WBP1L: variants seen among roughly 807,000 people sequenced by gnomAD.
WBP1L encodes WW domain binding protein 1-like.
Under a neutral mutation model 33.7 loss-of-function variants are expected in WBP1L, and 17 were observed. That is an observed-to-expected ratio of 0.50 (90% CI 0.34 to 0.76). The LOEUF is 0.76. WBP1L is among the 30% of genes least tolerant of loss of function. The pLI is 0.01. For synonymous variants in WBP1L, 173 were observed against 190.8 expected, an observed-to-expected ratio of 0.91 and a Z score of 0.77; for missense variants, 389 against 469.4, an observed-to-expected ratio of 0.83 and a Z score of 1.58.
chr10:102,797,495 C>T (rs1009663304), intron 1 of WBP1L, among the ~76,000 whole-genome samples: 3 of 152,136 alleles, frequency 2.0e-5, no homozygotes, highest in African/African-American at 7.2e-5. Context: ...CATATTTTTT[C>T]CCCTAAACTC....
At chr10:102,802,539 G>A (rs531828055) in intron 2 of WBP1L, among the ~76,000 whole-genome samples, 4 of 152,004 alleles carry the variant, frequency 2.6e-5, no homozygotes, top group Non-Finnish European at 5.9e-5. Flanking sequence ...TTGAGACAGC[G>A]TCTCACTCCC....
chr10:102,748,063 T>C (rs1437633473), intron 1 of WBP1L, among the ~76,000 whole-genome samples: 3 of 151,984 alleles, frequency 2.0e-5, no homozygotes, highest in Admixed American at 2.0e-4. Flanking sequence ...GAGACCATCC[T>C]GGCTAACACA....
At chr10:102,782,415 C>T (rs1428700515) in intron 1 of WBP1L, among the ~76,000 whole-genome samples, 1 of 151,572 alleles carries the variant, frequency 6.6e-6, no homozygotes, top group Non-Finnish European at 1.5e-5. Flanking sequence ...GACCCGCCCC[C>T]TCCCACCCCT....
intron 1 of WBP1L, among the ~76,000 whole-genome samples, chr10:102,794,182 A>G (rs1461443732): frequency 6.6e-6 from 1 of 152,146 alleles, no homozygotes; most frequent in African/African-American, 2.4e-5. Context: ...GTGGAAGATC[A>G]CCAGGCAGCA....
intron 1 of WBP1L, among the ~76,000 whole-genome samples, chr10:102,791,649 A>C (rs1843500126): frequency 1.3e-5 from 2 of 152,190 alleles, no homozygotes; most frequent in Non-Finnish European, 2.9e-5. Flanking sequence ...AACAAACAAA[A>C]AAAGATTTAG....
intron 1 of WBP1L, among the ~76,000 whole-genome samples, chr10:102,787,715 C>T (rs182077474): frequency 2.0e-5 from 3 of 152,304 alleles, no homozygotes; most frequent in Admixed American, 1.3e-4. Context: ...TACTCTCCTT[C>T]TACCCAATTT....
chr10:102,745,538 A>G (rs370959897), intron 1 of WBP1L, among the ~76,000 whole-genome samples: 2 of 152,186 alleles, frequency 1.3e-5, no homozygotes, highest in African/African-American at 2.4e-5. Flanking sequence ...GATATTTTAT[A>G]TAAACGGGAT....
chr10:102,797,863 C>T, intron 1 of WBP1L, 130 bp from the exon 2 acceptor site: 1 of 859,354 alleles, frequency 1.2e-6, no homozygotes, highest in South Asian at 1.7e-5. Context: ...AGTTGATTTT[C>T]TTAATGGAAT....
intron 1 of WBP1L, among the ~76,000 whole-genome samples, chr10:102,788,102 T>A (rs377329394): frequency 6.7e-6 from 1 of 148,488 alleles, no homozygotes; most frequent in Non-Finnish European, 1.5e-5. Flanking sequence ...ACCAATACTA[T>A]CAGGGAGAAC....
At chr10:102,784,071 A>AGATATGACCAAGCCCATCTGAAATATG (rs1564762519) in intron 1 of WBP1L, among the ~76,000 whole-genome samples, 1 of 152,170 alleles carries the variant, frequency 6.6e-6, no homozygotes, top group Non-Finnish European at 1.5e-5. Flanking sequence ...GTGGGCCAGT[A>AGATATGACCAAGCCCATCTGAAATATG]GATATGACCA....
intron 1 of WBP1L, among the ~76,000 whole-genome samples, chr10:102,776,762 C>G (rs1029834887): frequency 4.6e-5 from 7 of 152,158 alleles, no homozygotes; most frequent in Non-Finnish European, 7.3e-5. Context: ...CTCCAAACCC[C>G]TTTTATTCCT....
intron 1 of WBP1L, among the ~76,000 whole-genome samples, chr10:102,770,152 TA>T (rs924247326): frequency 1.1e-4 from 17 of 152,384 alleles, no homozygotes; most frequent in African/African-American, 3.8e-4. Context: ...ATTCTTTTGT[TA>T]ATGCCTAGCC....
At chr10:102,783,769 C>T (rs560751569) in intron 1 of WBP1L, among the ~76,000 whole-genome samples, 16 of 152,112 alleles carry the variant, frequency 1.1e-4, no homozygotes, top group Non-Finnish European at 2.1e-4. Flanking sequence ...AGTTCAGTCC[C>T]GTATGACAAA....
chr10:102,748,736 C>A (rs1842893631), intron 1 of WBP1L, among the ~76,000 whole-genome samples: 1 of 152,180 alleles, frequency 6.6e-6, no homozygotes, highest in African/African-American at 2.4e-5. Flanking sequence ...AGATAGCGCA[C>A]ACAGTGAATT....
Position 102,782,214 on chromosome 10 carries a change from CT to C in WBP1L, c.91-15755del, listed in dbSNP as rs397961661. 1.0e-4 allele frequency among the ~76,000 whole-genome samples: 5 copies of C among 49,152 alleles called. No homozygotes were observed. The Admixed American group carries it at 1.3e-3, about 13-fold the overall frequency. 32.2% of individuals were successfully genotyped at this position (49,152 alleles called of 152,430 possible). The stretch of plus-strand genomic sequence containing the variant: ...CAACCATCTCTGTTGAAAGAAGCTG[CT>C]TTTTTTTTTTTTTTTTTTTTTTTGA... On this transcript the variant is annotated intron_variant, in intron 1 of 3. Transcript: ENST00000448841.
At chr10:102,768,301 T>C (rs1843138077) in intron 1 of WBP1L, among the ~76,000 whole-genome samples, 2 of 151,760 alleles carry the variant, frequency 1.3e-5, no homozygotes, top group African/African-American at 4.9e-5. Flanking sequence ...CTTGAACTCC[T>C]GATCTCAGAT....
intron 2 of WBP1L, among the ~76,000 whole-genome samples, chr10:102,802,647 C>T (rs1256365502): frequency 6.6e-6 from 1 of 152,122 alleles, no homozygotes; most frequent in Non-Finnish European, 1.5e-5. Flanking sequence ...AGGTGTGCGC[C>T]AGCATGCCCA....
At chr10:102,777,205 C>T (rs1443957466) in intron 1 of WBP1L, among the ~76,000 whole-genome samples, 1 of 152,138 alleles carries the variant, frequency 6.6e-6, no homozygotes, top group Non-Finnish European at 1.5e-5. Flanking sequence ...GTCTGAGAGG[C>T]ATGTCTGTAT....
chr10:102,768,371 G>GTTT lies in WBP1L; in HGVS notation c.90+24251_90+24253dup, dbSNP rs1192088947. 6.1e-3 allele frequency among the ~76,000 whole-genome samples: 75 copies of GTTT among 12,222 alleles called. 7 individuals carry two copies. Among genetic ancestry groups the GTTT allele is most frequent in the African/African-American group, 0.013 (25 of 1,852 alleles). The allele number at this position is 12,222 out of a possible 152,430, so 8.0% of individuals were successfully genotyped here. A position where few individuals can be genotyped will look rare whatever the true frequency, so the allele number is the denominator to read the frequency against. ...CCATTGCGCCTGGCATTAGTTTTTT[G>GTTT]TTTTTTTTTTTTTTTTTTTTTTTTT... On this transcript the variant is annotated intron_variant, in intron 1 of 3. Coordinates refer to ENST00000448841, the MANE Select transcript of WBP1L (RefSeq NM_001083913.2).
Sources: gnomAD v4.1 joint callset for allele counts (sites outside exome capture counted in the v4.1 genomes callset) on GRCh38, gnomAD v4.1.1 for gene constraint, MANE v1.5 for transcripts, NCBI Gene and HGNC (gene_info 2026-07-23, HGNC 2026-07-21) for gene names.